RASGRP1: variants seen among roughly 807,000 people sequenced by gnomAD.
The protein encoded by RASGRP1 is RAS guanyl-releasing protein 1.
Under a neutral mutation model 95.1 loss-of-function variants are expected in RASGRP1, and 37 were observed. The ratio of observed to expected loss-of-function variants is 0.39; its 90% CI spans 0.30 to 0.51. The LOEUF (loss-of-function observed/expected upper bound fraction) is 0.51. RASGRP1 is among the 20% of genes least tolerant of loss of function. RASGRP1 has a pLI of 0.80. For missense variants in RASGRP1, 711 were observed against 965.4 expected, an observed-to-expected ratio of 0.74 and a Z score of 3.49; for synonymous variants, 325 against 353.4, an observed-to-expected ratio of 0.92 and a Z score of 0.90.
rs1007014655 is a variant in RASGRP1 at position 38,494,744 on chromosome 15, A to G, written c.1897T>C (p.Phe633Leu). The change falls in exon 16 of 17, where the codon TTC (phenylalanine) becomes CTC (leucine). Residue 633 changes from phenylalanine (F) to leucine (L), a missense_variant. By Grantham distance (22) the Phe-to-Leu change is conservative. This residue lies in a region of RASGRP1 where 212 missense variants were observed against 247.8 expected (regional missense o/e 0.86). Transcript: ENST00000310803. ...LHAPEEGPFT[F>L]PNGEAVEHGE... The stretch of plus-strand genomic sequence containing the variant: ...TGTTCCACAGCCTCCCCATTAGGGA[A>G]TGTAAAAGGTCCTTCCTCAGGTGCT... 2 of 1,505,796 alleles carry G rather than the reference A, an allele frequency of 1.3e-6. No homozygotes were observed. Among genetic ancestry groups the G allele is most frequent in the East Asian group, 2.3e-5 (1 of 43,842 alleles). 93.3% of individuals were successfully genotyped at this position (1,505,796 alleles called of 1,614,324 possible).
intron 12 of RASGRP1, 61 bp from the exon 13 acceptor site, chr15:38,501,348 G>T (rs750738837): frequency 1.3e-6 from 2 of 1,574,664 alleles, no homozygotes; most frequent in South Asian, 1.1e-5. Context: ...AGGTAGCAAG[G>T]GGGGGCTTCT....
At chr15:38,562,347 T>C (rs1893842525) in intron 1 of RASGRP1, among the ~76,000 whole-genome samples, 3 of 152,196 alleles carry the variant, frequency 2.0e-5, no homozygotes, top group African/African-American at 7.2e-5. Context: ...AGCCCCCTTC[T>C]ACAGTGTGGA....
chr15:38,549,293 G>A (rs567469429), intron 2 of RASGRP1, among the ~76,000 whole-genome samples: 23 of 152,302 alleles, frequency 1.5e-4, no homozygotes, highest in Non-Finnish European at 2.8e-4. Flanking sequence ...TTTAATAAGT[G>A]AATCCAAAAT....
At chr15:38,515,531 C>T (rs1384049318) in intron 6 of RASGRP1, among the ~76,000 whole-genome samples, 1 of 152,186 alleles carries the variant, frequency 6.6e-6, no homozygotes, top group Non-Finnish European at 1.5e-5. Flanking sequence ...TGTACTCTTT[C>T]TGTACCTGAT....
chr15:38,526,480 C>T, intron 2 of RASGRP1, 76 bp from the exon 3 acceptor site: 2 of 1,088,688 alleles, frequency 1.8e-6, no homozygotes, highest in Non-Finnish European at 2.8e-6. Flanking sequence ...TGCAAACCCT[C>T]TGTGACTCAG....
rs1478001613 is a variant in RASGRP1 at position 38,489,650 on chromosome 15, T to G, written c.*904A>C. 1.3e-5 allele frequency: 2 copies of G among 152,430 alleles called. No individual in the cohort carries two copies. Among genetic ancestry groups the G allele is most frequent in the African/African-American group, 4.8e-5 (2 of 41,424 alleles). The allele number at this position is 152,430 out of a possible 1,614,324, so 9.4% of individuals were successfully genotyped here. ...TGAAGACAGTTAAGCACAAATTCAT[T>G]TCAAAAAGAGAACTTTCAAAATAGT... On this transcript the variant is annotated 3_prime_UTR_variant, in exon 17 of 17. Coordinates refer to ENST00000310803, the MANE Select transcript of RASGRP1 (RefSeq NM_005739.4).
At chr15:38,560,082 T>G in intron 1 of RASGRP1, 77 bp from the exon 2 acceptor site, 1 of 1,306,152 alleles carries the variant, frequency 7.7e-7, no homozygotes, top group Non-Finnish European at 1.1e-6. Context: ...AGGAAGGGAA[T>G]GGAGATAAGA....
In RASGRP1 at chr15:38,494,309, C is replaced by T. The variant is rs756586567; in HGVS notation, c.2259+73G>A. ...ATCAGCCTGATCTGAATCTTCAGTC[C>T]ACATGCTCTTTCCTGGTTTGGCCCC... is the stretch of plus-strand genomic sequence containing the variant. On this transcript the variant is annotated intron_variant, in intron 16 of 16. Coordinates refer to ENST00000310803, the MANE Select transcript of RASGRP1 (RefSeq NM_005739.4). The T allele has an allele frequency of 3.9e-6, 6 of 1,553,850 alleles. No individual in the cohort carries two copies. In the East Asian group the frequency reaches 1.4e-4, roughly 35 times the overall value.
intron 10 of RASGRP1, 48 bp downstream of exon 10, chr15:38,505,792 G>T (rs1595832305): frequency 3.5e-6 from 5 of 1,422,824 alleles, no homozygotes; most frequent in Non-Finnish European, 4.9e-6. Context: ...TCGAGGAGAA[G>T]CTTGTAAAGC....
At chr15:38,500,795 A>T (rs1268449623) in intron 13 of RASGRP1, among the ~76,000 whole-genome samples, 3 of 152,178 alleles carry the variant, frequency 2.0e-5, no homozygotes, top group Non-Finnish European at 4.4e-5. Context: ...AGTGGAACGG[A>T]AGAGGGGCAT....
rs768654493 is a variant in RASGRP1 at position 38,507,707 on chromosome 15, C to T, written c.1242+19G>A. On this transcript the variant is annotated intron_variant, in intron 9 of 16. Transcript: ENST00000310803. ...CACACAGAAAGTGCTTAGTAATTGT[C>T]CTCCAGTGTGAGCCTCACCGTCAGC... 63 of 1,551,048 alleles carry T rather than the reference C, an allele frequency of 4.1e-5. No individual in the cohort carries two copies. In the Middle Eastern group the frequency reaches 6.7e-4, roughly 17 times the overall value.
At chr15:38,492,893 T>C (rs1890646140) in intron 16 of RASGRP1, among the ~76,000 whole-genome samples, 1 of 151,894 alleles carries the variant, frequency 6.6e-6, no homozygotes, top group African/African-American at 2.4e-5. Context: ...CGCTTTTTTT[T>C]TTTTTGAGTT....
At chr15:38,526,081 C>A (rs11852621) in intron 3 of RASGRP1, among the ~76,000 whole-genome samples, 1 of 152,028 alleles carries the variant, frequency 6.6e-6, no homozygotes, top group Non-Finnish European at 1.5e-5. Context: ...TCTTTGACCA[C>A]CCCCCAGAGC....
intron 2 of RASGRP1, among the ~76,000 whole-genome samples, chr15:38,537,870 A>T (rs1892718920): frequency 1.3e-5 from 2 of 152,214 alleles, no homozygotes; most frequent in Admixed American, 1.3e-4. Context: ...GGACCTGGAG[A>T]GCCACTCTGA....
At chr15:38,551,691 C>T (rs1893345080) in intron 2 of RASGRP1, among the ~76,000 whole-genome samples, 1 of 151,448 alleles carries the variant, frequency 6.6e-6, no homozygotes, top group Admixed American at 6.6e-5. Flanking sequence ...TCAAAACCAA[C>T]ATAAAAATGA....
chr15:38,535,148 G>A (rs908646932), intron 2 of RASGRP1, among the ~76,000 whole-genome samples: 1 of 152,162 alleles, frequency 6.6e-6, no homozygotes, highest in African/African-American at 2.4e-5. Context: ...ATTTAAAAAT[G>A]AGAAAACTGA....
rs922370258 is a variant in RASGRP1, at chr15:38,508,130, T to C, written c.967-129A>G. ...CCAGAATTTGTTGAGCAGGGGGTAA[T>C]TCATGTAAAAGGTACAGATTATGAC... On this transcript the variant is annotated intron_variant, in intron 8 of 16. Coordinates refer to ENST00000310803, the MANE Select transcript of RASGRP1 (RefSeq NM_005739.4). The C allele has an allele frequency of 1.9e-5, 19 of 1,026,972 alleles. No homozygotes were observed. The African/African-American group carries it at 2.9e-4, about 16-fold the overall frequency. The allele number at this position is 1,026,972 out of a possible 1,614,324, so 63.6% of individuals were successfully genotyped here. A position where few individuals can be genotyped will look rare whatever the true frequency, so the allele number is the denominator to read the frequency against.
At chr15:38,505,748 T>C (rs1449493972) in intron 10 of RASGRP1, 92 bp downstream of exon 10, 5 of 1,023,256 alleles carry the variant, frequency 4.9e-6, no homozygotes, top group Non-Finnish European at 7.5e-6. Context: ...TGTATTAAAC[T>C]GAACTGAAAG....
At chr15:38,495,829 T>C (rs954824041) in intron 15 of RASGRP1, among the ~76,000 whole-genome samples, 2 of 152,200 alleles carry the variant, frequency 1.3e-5, no homozygotes, top group Admixed American at 1.3e-4. Flanking sequence ...ATCTCCATTT[T>C]CCAACTTTTC....
Sources: gnomAD v4.1 joint callset for allele counts (sites outside exome capture counted in the v4.1 genomes callset) on GRCh38, gnomAD v4.1.1 for gene constraint, gnomAD v4.1.1 regional missense constraint, MANE v1.5 for transcripts, NCBI Gene and HGNC (gene_info 2026-07-23, HGNC 2026-07-21) for gene names.